TFDP2: variants seen among roughly 807,000 people sequenced by gnomAD.
TFDP2 encodes transcription factor Dp-2 (E2F dimerization partner 2).
Under a neutral mutation model 59.3 loss-of-function variants are expected in TFDP2, and 17 were observed. That is an observed-to-expected ratio of 0.29 (90% CI 0.20 to 0.43). The LOEUF (loss-of-function observed/expected upper bound fraction) is 0.43, where lower values mean the gene tolerates loss of function less well. Ranked by LOEUF, TFDP2 falls within the 20% of genes least tolerant of loss-of-function variation. The pLI, the probability that TFDP2 is intolerant of heterozygous loss-of-function variation, is 1.00. For missense variants in TFDP2, 391 were observed against 528.8 expected (o/e 0.74, Z 2.56); for synonymous variants, 180 against 194.7 (o/e 0.92, Z 0.63).
chr3:141,972,716 A>G (rs1311107191), intron 8 of TFDP2, among the ~76,000 whole-genome samples: 1 of 152,080 alleles, frequency 6.6e-6, no homozygotes, highest in Non-Finnish European at 1.5e-5. Context: ...GAGTAATCAC[A>G]TTTTCGGTAA....
chr3:142,035,974 A>C (rs1946679010), intron 3 of TFDP2, among the ~76,000 whole-genome samples: 5 of 152,226 alleles, frequency 3.3e-5, no homozygotes, highest in Admixed American at 3.3e-4. Flanking sequence ...TTGACTTCTC[A>C]AAGTCCACAT....
At chr3:142,085,133 C>A (rs1347022549) in intron 3 of TFDP2, among the ~76,000 whole-genome samples, 5 of 152,160 alleles carry the variant, frequency 3.3e-5, no homozygotes, top group South Asian at 2.1e-4. Context: ...GTTGGCCAGG[C>A]TGGTCTCAGA....
At chr3:142,003,076 C>A (rs1553772598) in intron 4 of TFDP2, among the ~76,000 whole-genome samples, 1 of 151,644 alleles carries the variant, frequency 6.6e-6, no homozygotes, top group Non-Finnish European at 1.5e-5. Context: ...GATCTCTGCT[C>A]ACTACAACTT....
chr3:142,140,887 C>A (rs1180672529), intron 1 of TFDP2, among the ~76,000 whole-genome samples: 2 of 152,220 alleles, frequency 1.3e-5, no homozygotes, highest in African/African-American at 4.8e-5. Context: ...AGCTCAAACA[C>A]CATGCTGGGA....
chr3:141,983,831 G>C (rs1941758453), intron 6 of TFDP2, among the ~76,000 whole-genome samples: 1 of 152,094 alleles, frequency 6.6e-6, no homozygotes, highest in African/African-American at 2.4e-5. Context: ...AGAGGATGTA[G>C]AGAAACTGCA....
At chr3:142,111,988 C>T (rs940310330) in intron 1 of TFDP2, among the ~76,000 whole-genome samples, 2 of 152,038 alleles carry the variant, frequency 1.3e-5, no homozygotes, top group Non-Finnish European at 2.9e-5. Context: ...ATCACTTGAA[C>T]CCAGGAGGCA....
intron 1 of TFDP2, among the ~76,000 whole-genome samples, chr3:142,123,781 T>G (rs939491936): frequency 1.3e-5 from 2 of 152,180 alleles, no homozygotes; most frequent in Non-Finnish European, 2.9e-5. Flanking sequence ...TCACCACTAT[T>G]ATTTAACAGT....
intron 1 of TFDP2, among the ~76,000 whole-genome samples, chr3:142,105,453 C>G (rs1560149038): frequency 2.0e-5 from 3 of 151,986 alleles, no homozygotes; most frequent in Non-Finnish European, 4.4e-5. Context: ...AGTAGGTGTC[C>G]TTTTTCCCCA....
intron 3 of TFDP2, among the ~76,000 whole-genome samples, chr3:142,007,748 G>A (rs767851806): frequency 2.6e-5 from 4 of 152,166 alleles, no homozygotes; most frequent in Non-Finnish European, 5.9e-5. Flanking sequence ...TTCTCATAAG[G>A]AGTGTGCAAC....
At chr3:142,043,603 TACAG>T (rs1947139887) in intron 3 of TFDP2, 3 of 803,678 alleles carry the variant, frequency 3.7e-6, no homozygotes, top group Admixed American at 1.8e-5. Flanking sequence ...GGCCAGTATG[TACAG>T]ACAAAGGGGG....
chr3:141,964,079 G>T, intron 9 of TFDP2, 116 bp from the exon 10 acceptor site: 1 of 840,328 alleles, frequency 1.2e-6, no homozygotes, highest in South Asian at 2.2e-5. Context: ...GAGACATCCC[G>T]CCTGCACTAA....
intron 3 of TFDP2, among the ~76,000 whole-genome samples, chr3:142,079,473 T>C (rs1255122962): frequency 6.6e-6 from 1 of 152,156 alleles, no homozygotes; most frequent in East Asian, 1.9e-4. Flanking sequence ...GTAAAAAGTT[T>C]ATTCAAAGAG....
rs777878895 is a variant in TFDP2 at position 141,974,204 on chromosome 3, A to G, written c.520-13T>C. ...TCTGATCATAAGCCTGCTAAAAAAT[A>G]TTTTCACTGAGTGATAAATCTTAAG... On this transcript the variant is annotated splice_polypyrimidine_tract_variant and intron_variant, in intron 7 of 12. Transcript: ENST00000489671. 2 of 1,587,166 alleles carry G rather than the reference A, an allele frequency of 1.3e-6. No individual in the cohort carries two copies. Among genetic ancestry groups the G allele is most frequent in the Non-Finnish European group, 8.5e-7 (1 of 1,170,182 alleles).
intron 3 of TFDP2, among the ~76,000 whole-genome samples, chr3:142,058,908 T>G (rs1274072116): frequency 6.6e-6 from 1 of 152,136 alleles, no homozygotes; most frequent in Non-Finnish European, 1.5e-5. Flanking sequence ...AAGTCAGAGG[T>G]GGGGTTGAAA....
chr3:142,000,015 G>A (rs528020396), intron 4 of TFDP2, among the ~76,000 whole-genome samples: 3 of 152,282 alleles, frequency 2.0e-5, no homozygotes, highest in South Asian at 2.1e-4. Flanking sequence ...GATTACAGGC[G>A]TGAGCCACCA....
At position 142,005,562 on chromosome 3, in the gene TFDP2, C is replaced by T. The variant is rs530097571; in HGVS notation, c.83-18G>A. The T allele has an allele frequency of 1.3e-6, 2 of 1,553,504 alleles. No individual in the cohort carries two copies. The highest frequency in any genetic ancestry group is 2.3e-5 in the East Asian group (1 of 42,870). On this transcript the variant is annotated intron_variant, in intron 3 of 12. Coordinates refer to ENST00000489671, the MANE Select transcript of TFDP2 (RefSeq NM_001178139.2). ...AATGTTGCCTGAAATGATATCAAAA[C>T]ATTAAGTTAGTATTCTGCCATACCA... is the stretch of plus-strand genomic sequence containing the variant.
At chr3:142,031,657 A>G (rs1946438312) in intron 3 of TFDP2, among the ~76,000 whole-genome samples, 1 of 152,238 alleles carries the variant, frequency 6.6e-6, no homozygotes, top group Admixed American at 6.5e-5. Context: ...AACATCATTA[A>G]TTACAACTAC....
intron 8 of TFDP2, among the ~76,000 whole-genome samples, chr3:141,971,095 A>C (rs1329707914): frequency 6.6e-6 from 1 of 151,892 alleles, no homozygotes; most frequent in African/African-American, 2.4e-5. Flanking sequence ...CTTATTGGAC[A>C]AATTTTCCAG....
chr3:142,076,167 C>T (rs1473473461), intron 3 of TFDP2, among the ~76,000 whole-genome samples: 1 of 143,846 alleles, frequency 7.0e-6, no homozygotes, highest in Admixed American at 7.1e-5. Flanking sequence ...GCTGAGATCA[C>T]ACCACTGCAC....
Sources: allele counts gnomAD v4.1 joint callset (sites outside exome capture counted in the v4.1 genomes callset), GRCh38; gene constraint gnomAD v4.1.1; transcripts MANE v1.5; gene names NCBI Gene and HGNC (gene_info 2026-07-23, HGNC 2026-07-21).